Variants in TMEM221 observed in about 807,000 individuals in gnomAD.
The protein encoded by TMEM221 is transmembrane protein 221.
Under a neutral mutation model 10.2 loss-of-function variants are expected in TMEM221, and 11 were observed. The observed-to-expected ratio is 1.08, with a 90% CI of 0.68 to 1.79. The LOEUF (loss-of-function observed/expected upper bound fraction) is 1.79, where lower values mean the gene tolerates loss of function less well. Ranked by LOEUF, TMEM221 falls within the 40% of genes most tolerant of loss-of-function variation. TMEM221 has a pLI of 0.00. For missense variants in TMEM221, 382 were observed against 417.7 expected, an observed-to-expected ratio of 0.91 and a Z score of 0.75; for synonymous variants, 172 against 199.8, an observed-to-expected ratio of 0.86 and a Z score of 1.18.
chr19:17,439,259 G>C (rs2074922300), intron 2 of TMEM221, among the ~76,000 whole-genome samples: 1 of 150,442 alleles, frequency 6.6e-6, no homozygotes, highest in Non-Finnish European at 1.5e-5. Context: ...GAGGGAATAT[G>C]ATGCAGCATG....
Position 17,436,870 on chromosome 19 carries a change from G to C in TMEM221, c.464C>G (p.Ser155Cys). 1.2e-5 allele frequency: 17 copies of C among 1,449,294 alleles called. No homozygotes were observed. Among genetic ancestry groups the C allele is most frequent in the Non-Finnish European group, 1.5e-5 (17 of 1,103,286 alleles). 89.8% of individuals were successfully genotyped at this position (1,449,294 alleles called of 1,614,324 possible). A position where few individuals can be genotyped will look rare whatever the true frequency, so the allele number is the denominator to read the frequency against. Residue 155 changes from serine (S) to cysteine (C), a missense_variant, in exon 3 of 3, where the codon TCC (serine) becomes TGC (cysteine). By Grantham distance (112) the Ser-to-Cys change is moderately radical. Transcript: ENST00000341130. The part of the protein sequence containing the change: ...FEIETGAAAA[S>C]ILGSGTLVLV... ...AACCAGGGTGCCCGAGCCGAGGATG[G>C]AAGCAGCTGCTGCGCCTGTCTCGAT...
chr19:17,438,850 G>A (rs1459476347), intron 2 of TMEM221, among the ~76,000 whole-genome samples: 15 of 149,150 alleles, frequency 1.0e-4, no homozygotes, highest in Middle Eastern at 3.4e-3. Flanking sequence ...CACCTGCCTC[G>A]GCCTCCCAAA....
chr19:17,448,025 G>C lies in TMEM221; in HGVS notation c.320+118C>G, dbSNP rs1229907018. On this transcript the variant is annotated intron_variant, in intron 1 of 2. Coordinates refer to ENST00000341130, the MANE Select transcript of TMEM221 (RefSeq NM_001190844.2). The surrounding 1 kb of genome is among the most constrained non-coding windows in gnomAD (Gnocchi z 4.7). The stretch of plus-strand genomic sequence containing the variant: ...GCAGAGAGACATGGAGTGGTGGGGA[G>C]AGGGAAGTGGGGAGGGAAGCTGTCC... 1.3e-6 allele frequency: 1 copy of C among 766,734 alleles called. No homozygotes were observed. The highest frequency in any genetic ancestry group is 3.6e-5 in the East Asian group (1 of 28,124). 47.5% of individuals were successfully genotyped at this position (766,734 alleles called of 1,614,324 possible).
intron 2 of TMEM221, among the ~76,000 whole-genome samples, chr19:17,442,326 C>T (rs894103502): frequency 1.3e-5 from 2 of 149,886 alleles, no homozygotes; most frequent in African/African-American, 5.1e-5. Context: ...GGCACAATCT[C>T]GGCTCACTGC....
At chr19:17,439,601 T>C (rs1365477491) in intron 2 of TMEM221, among the ~76,000 whole-genome samples, 3 of 151,338 alleles carry the variant, frequency 2.0e-5, no homozygotes, top group Non-Finnish European at 4.4e-5. Context: ...GGCAGGAGAA[T>C]CGCTTGAATC....
Position 17,436,901 on chromosome 19 carries a change from A to G in TMEM221, c.433T>C (p.Phe145Leu). ...GCTGCTGCGCCTGTCTCGATCTCGA[A>G]AAGTAGCAAGGCATAGATGGACAGT... is the stretch of plus-strand genomic sequence containing the variant. The part of the protein sequence containing the change: ...AALSIYALLL[F>L]EIETGAAAAS... Residue 145 changes from phenylalanine (F) to leucine (L), a missense_variant, in exon 3 of 3, where the codon TTC becomes CTC. Transcript: ENST00000341130. 1 of 1,432,044 alleles carries G rather than the reference A, an allele frequency of 7.0e-7. No homozygotes were observed. Among genetic ancestry groups the G allele is most frequent in the Non-Finnish European group, 9.1e-7 (1 of 1,095,444 alleles). The allele number at this position is 1,432,044 out of a possible 1,614,324, so 88.7% of individuals were successfully genotyped here. A position where few individuals can be genotyped will look rare whatever the true frequency, so the allele number is the denominator to read the frequency against.
In TMEM221 at chr19:17,441,845, G is replaced by A. The variant is rs67122946; in HGVS notation, c.406+3354C>T. On this transcript the variant is annotated intron_variant, in intron 2 of 2. Coordinates refer to ENST00000341130, the MANE Select transcript of TMEM221 (RefSeq NM_001190844.2). ...GGCCAAGGACTTTTTTTTTTTTTTT[G>A]GCTGGAAACATTTTGAAAGGGATTT... 5.6e-3 allele frequency among the ~76,000 whole-genome samples: 328 copies of A among 58,542 alleles called. 3 individuals carry two copies. Among genetic ancestry groups the A allele is most frequent in the African/African-American group, 0.018 (313 of 17,150 alleles). The allele number at this position is 58,542 out of a possible 152,430, so 38.4% of individuals were successfully genotyped here.
chr19:17,444,518 CT>C (rs71162133), intron 2 of TMEM221, among the ~76,000 whole-genome samples: 50 of 92,170 alleles, frequency 5.4e-4, no homozygotes, highest in Admixed American at 1.2e-3. Context: ...CATCCACGGG[CT>C]TTTTTTTTTT....
chr19:17,444,659 C>A (rs1043928547), intron 2 of TMEM221, among the ~76,000 whole-genome samples: 1 of 138,810 alleles, frequency 7.2e-6, no homozygotes, highest in East Asian at 2.0e-4. Flanking sequence ...TCCCGAGGAG[C>A]TGGGACTACA....
At position 17,436,307 on chromosome 19, in the gene TMEM221, T is replaced by G. The variant is rs2074907853; in HGVS notation, c.*151A>C. 2 of 731,734 alleles carry G rather than the reference T, an allele frequency of 2.7e-6. No homozygotes were observed. Among genetic ancestry groups the G allele is most frequent in the Admixed American group, 3.2e-5 (1 of 31,368 alleles). 45.3% of individuals were successfully genotyped at this position (731,734 alleles called of 1,614,324 possible). ...AGGTGAAGGCTGGAGCTCTGGCAAT[T>G]ATTTTGTGCCACGAGGCAACCTTGA... is the stretch of plus-strand genomic sequence containing the variant. On this transcript the variant is annotated 3_prime_UTR_variant, in exon 3 of 3. Coordinates refer to ENST00000341130, the MANE Select transcript of TMEM221 (RefSeq NM_001190844.2).
In TMEM221 at chr19:17,448,562, G is replaced by A; in HGVS notation, c.-100C>T. ...ATCCGAGGGTCCTCAGGGGGTCCCC[G>A]AGGGGGCGGGGCCGCAGGGAGTGTC... On this transcript the variant is annotated 5_prime_UTR_variant, in exon 1 of 3. Coordinates refer to ENST00000341130, the MANE Select transcript of TMEM221 (RefSeq NM_001190844.2). This position sits in a 1 kb window ranked among gnomAD's most constrained non-coding sequence, Gnocchi z 4.7. 2 of 928,152 alleles carry A rather than the reference G, an allele frequency of 2.2e-6. No homozygotes were observed. Among genetic ancestry groups the A allele is most frequent in the Non-Finnish European group, 2.9e-6 (2 of 694,828 alleles). 57.5% of individuals were successfully genotyped at this position (928,152 alleles called of 1,614,324 possible).
At position 17,445,418 on chromosome 19, in the gene TMEM221, G is replaced by A; in HGVS notation, c.321-134C>T. 3 of 608,144 alleles carry A rather than the reference G, an allele frequency of 4.9e-6. No individual in the cohort carries two copies. The South Asian group carries it at 6.4e-5, about 13-fold the overall frequency. 37.7% of individuals were successfully genotyped at this position (608,144 alleles called of 1,614,324 possible). ...TTTCAGGGACCCAAAATCTATGTGAGTACCTAACCATCATCCATCTACTTG... is the reference window on the plus strand; with the variant it reads ...TTTCAGGGACCCAAAATCTATGTGAATACCTAACCATCATCCATCTACTTG... On this transcript the variant is annotated intron_variant, in intron 1 of 2. Transcript: ENST00000341130.
rs868727247 is a variant in TMEM221 at position 17,440,266 on chromosome 19, A to G, written c.407-3339T>C. 5.5e-4 allele frequency among the ~76,000 whole-genome samples: 72 copies of G among 130,268 alleles called. 1 individual carries two copies. Among genetic ancestry groups the G allele is most frequent in the Middle Eastern group, 5.0e-3 (1 of 202 alleles). The allele number at this position is 130,268 out of a possible 152,430, so 85.5% of individuals were successfully genotyped here. A position where few individuals can be genotyped will look rare whatever the true frequency, so the allele number is the denominator to read the frequency against. On this transcript the variant is annotated intron_variant, in intron 2 of 2. Coordinates refer to ENST00000341130, the MANE Select transcript of TMEM221 (RefSeq NM_001190844.2). Reference sequence around the variant, plus strand: ...TTTTGAGATGGAATCTCGCTCTGTCACCCAGGCTGGAGTGCAGTGGCGCAA... The same window carrying G: ...TTTTGAGATGGAATCTCGCTCTGTCGCCCAGGCTGGAGTGCAGTGGCGCAA...
rs2074961090 is a variant in TMEM221, at chr19:17,448,320, C to T, written c.143G>A (p.Gly48Glu). The change falls in exon 1 of 3, where the codon GGG becomes GAG. Residue 48 changes from glycine to glutamate, a missense_variant. By Grantham distance (98) the Gly-to-Glu change is moderately conservative. Coordinates refer to ENST00000341130, the MANE Select transcript of TMEM221 (RefSeq NM_001190844.2). The surrounding 1 kb of genome is among the most constrained non-coding windows in gnomAD (Gnocchi z 4.7). ...RAELRGLRAEGLGQELGAGPG... is the reference protein window; with the variant it reads ...RAELRGLRAEELGQELGAGPG... ...GCCGGCGCCCAGCTCCTGGCCCAGC[C>T]CCTCGGCGCGCAGCCCCCGCAGCTC... 7.1e-6 allele frequency: 9 copies of T among 1,275,006 alleles called. 1 individual carries two copies. In the South Asian group the frequency reaches 1.8e-4, roughly 26 times the overall value. The allele number at this position is 1,275,006 out of a possible 1,614,324, so 79.0% of individuals were successfully genotyped here. A position where few individuals can be genotyped will look rare whatever the true frequency, so the allele number is the denominator to read the frequency against.
In TMEM221 at chr19:17,448,636, G is replaced by A. The variant is rs186708983; in HGVS notation, c.-174C>T. On this transcript the variant is annotated 5_prime_UTR_variant, in exon 1 of 3. Coordinates refer to ENST00000341130, the MANE Select transcript of TMEM221 (RefSeq NM_001190844.2). This position sits in a 1 kb window ranked among gnomAD's most constrained non-coding sequence, Gnocchi z 4.7. ...GGGTCGCCAGACGGACGGGGGCTCC[G>A]GGGTGCTGGTCGCAGCCGGGACGCC... The A allele has an allele frequency of 8.3e-4, 337 of 404,088 alleles. 1 individual carries two copies. Among genetic ancestry groups the A allele is most frequent in the African/African-American group, 6.5e-3 (310 of 47,876 alleles). 25.0% of individuals were successfully genotyped at this position (404,088 alleles called of 1,614,324 possible).
Position 17,442,442 on chromosome 19 carries a change from C to CTT in TMEM221, c.406+2755_406+2756dup, listed in dbSNP as rs35930067. ...CCTGGCTAATTTCTTTCTTTTCTTTCTTTTTTTTTTTTTTTTAGATGGCAT... is the reference window on the plus strand; with the variant it reads ...CCTGGCTAATTTCTTTCTTTTCTTTCTTTTTTTTTTTTTTTTTTAGATGGCAT... On this transcript the variant is annotated intron_variant, in intron 2 of 2. Transcript: ENST00000341130. Among the ~76,000 whole-genome samples, 79 of 137,542 alleles carry CTT rather than the reference C, an allele frequency of 5.7e-4. 1 individual carries two copies. Among genetic ancestry groups the CTT allele is most frequent in the Middle Eastern group, 3.8e-3 (1 of 264 alleles). The allele number at this position is 137,542 out of a possible 152,430, so 90.2% of individuals were successfully genotyped here.
Position 17,448,314 on chromosome 19 carries a change from C to T in TMEM221, c.149G>A (p.Gly50Asp). 1 of 1,270,470 alleles carries T rather than the reference C, an allele frequency of 7.9e-7. No homozygotes were observed. Among genetic ancestry groups the T allele is most frequent in the South Asian group, 2.4e-5 (1 of 42,494 alleles). 78.7% of individuals were successfully genotyped at this position (1,270,470 alleles called of 1,614,324 possible). ...ELRGLRAEGLGQELGAGPGLP... is the reference protein window; with the variant it reads ...ELRGLRAEGLDQELGAGPGLP... ...CCCGGGGCCGGCGCCCAGCTCCTGG[C>T]CCAGCCCCTCGGCGCGCAGCCCCCG... The change falls in exon 1 of 3, where the codon GGC becomes GAC. Residue 50 changes from glycine (G) to aspartate (D), a missense_variant. Transcript: ENST00000341130. This position sits in a 1 kb window ranked among gnomAD's most constrained non-coding sequence, Gnocchi z 4.7.
At chr19:17,446,262 C>G (rs1309597188) in intron 1 of TMEM221, among the ~76,000 whole-genome samples, 1 of 152,160 alleles carries the variant, frequency 6.6e-6, no homozygotes, top group African/African-American at 2.4e-5. Context: ...CATTCTCTTT[C>G]CCCTATAACC....
At chr19:17,440,385 C>T (rs1415349130) in intron 2 of TMEM221, among the ~76,000 whole-genome samples, 1 of 152,048 alleles carries the variant, frequency 6.6e-6, no homozygotes, top group South Asian at 2.1e-4. Flanking sequence ...CGCCACCACA[C>T]CCGGCTAATT....
Sources: gnomAD v4.1 joint callset for allele counts (sites outside exome capture counted in the v4.1 genomes callset) on GRCh38, gnomAD v4.1.1 for gene constraint, Gnocchi (gnomAD v3.1) non-coding constraint, MANE v1.5 for transcripts, NCBI Gene and HGNC (gene_info 2026-07-23, HGNC 2026-07-21) for gene names.